Variants in PPM1E observed in about 807,000 individuals in gnomAD.
PPM1E encodes protein phosphatase 1E.
In PPM1E, 20 loss-of-function variants were observed where a neutral mutation model predicts 65.9. That is an observed-to-expected ratio of 0.30 (90% CI 0.21 to 0.44). The LOEUF (loss-of-function observed/expected upper bound fraction) is 0.44, where lower values mean the gene tolerates loss of function less well. PPM1E is among the 20% of genes least tolerant of loss of function. The pLI is 1.00. For missense variants in PPM1E, 713 were observed against 953.1 expected (o/e 0.75, Z 3.32); for synonymous variants, 352 against 374.9 (o/e 0.94, Z 0.70).
intron 1 of PPM1E, among the ~76,000 whole-genome samples, chr17:58,853,124 TTTG>T (rs2050845105): frequency 6.6e-6 from 1 of 152,192 alleles, no homozygotes; most frequent in Non-Finnish European, 1.5e-5. Flanking sequence ...GTTTGTCTAT[TTTG>T]TTGTTGTTGC....
intron 1 of PPM1E, among the ~76,000 whole-genome samples, chr17:58,920,879 A>G (rs924206307): frequency 2.6e-5 from 4 of 152,350 alleles, no homozygotes; most frequent in African/African-American, 4.8e-5. Context: ...AACCCTGGGC[A>G]TTACCATTTT....
chr17:58,910,504 G>T (rs771390276), intron 1 of PPM1E, among the ~76,000 whole-genome samples: 1 of 151,992 alleles, frequency 6.6e-6, no homozygotes, highest in Non-Finnish European at 1.5e-5. Context: ...TCTGATACTT[G>T]TTCTGTCTTT....
chr17:58,927,679 G>T (rs2051840991), intron 1 of PPM1E, among the ~76,000 whole-genome samples: 1 of 152,106 alleles, frequency 6.6e-6, no homozygotes, highest in East Asian at 1.9e-4. Context: ...GGAAGCTGAG[G>T]CAGGTGGATT....
chr17:58,881,937 T>C lies in PPM1E; in HGVS notation c.465-73712T>C, dbSNP rs536648257. Among the ~76,000 whole-genome samples, 6 of 140,630 alleles carry C rather than the reference T, an allele frequency of 4.3e-5. No homozygotes were observed. In the East Asian group the frequency reaches 1.2e-3, roughly 29 times the overall value. 92.3% of individuals were successfully genotyped at this position (140,630 alleles called of 152,430 possible). A position where few individuals can be genotyped will look rare whatever the true frequency, so the allele number is the denominator to read the frequency against. On this transcript the variant is annotated intron_variant, in intron 1 of 6. Transcript: ENST00000308249. ...ACTTTGGAATACTGAGGCAGTTGGA[T>C]GACTTGAGCCCCAGGAGTTTGAGAC...
At chr17:58,775,920 CAAAAAAA>C (rs1158158641) in intron 1 of PPM1E, among the ~76,000 whole-genome samples, 9 of 52,504 alleles carry the variant, frequency 1.7e-4, no homozygotes, top group East Asian at 2.1e-3. Flanking sequence ...GACTCCGTCT[CAAAAAAA>C]AAAAAAAAAA....
chr17:58,814,150 GAGA>G (rs1220356242), intron 1 of PPM1E, among the ~76,000 whole-genome samples: 1 of 152,318 alleles, frequency 6.6e-6, no homozygotes, highest in African/African-American at 2.4e-5. Context: ...TAGGAAATCA[GAGA>G]AGATGTCATT....
At chr17:58,933,128 T>A (rs2051925223) in intron 1 of PPM1E, among the ~76,000 whole-genome samples, 1 of 152,196 alleles carries the variant, frequency 6.6e-6, no homozygotes, top group Non-Finnish European at 1.5e-5. Context: ...CTATGATGTT[T>A]GCACAATGAC....
intron 1 of PPM1E, among the ~76,000 whole-genome samples, chr17:58,774,016 G>T (rs904409505): frequency 6.6e-6 from 1 of 152,166 alleles, no homozygotes; most frequent in Non-Finnish European, 1.5e-5. Flanking sequence ...ACAAAAATTA[G>T]CTGGGTGTGG....
intron 1 of PPM1E, among the ~76,000 whole-genome samples, chr17:58,947,986 G>A (rs184203373): frequency 6.6e-6 from 1 of 152,264 alleles, no homozygotes; most frequent in East Asian, 1.9e-4. Flanking sequence ...CACATGGCTA[G>A]TTTGGGCTTC....
intron 1 of PPM1E, among the ~76,000 whole-genome samples, chr17:58,787,731 C>A (rs1430835499): frequency 6.6e-6 from 1 of 151,732 alleles, no homozygotes; most frequent in African/African-American, 2.4e-5. Context: ...CAGGGTGAAA[C>A]CCCATCTCTA....
intron 1 of PPM1E, among the ~76,000 whole-genome samples, chr17:58,854,681 T>G (rs895733914): frequency 6.6e-6 from 1 of 152,202 alleles, no homozygotes; most frequent in African/African-American, 2.4e-5. Flanking sequence ...TCCTTCATTT[T>G]GTTAATGTGG....
intron 1 of PPM1E, among the ~76,000 whole-genome samples, chr17:58,837,327 A>ATACACACACC (rs2050671652): frequency 1.0e-5 from 1 of 99,506 alleles, no homozygotes; most frequent in Non-Finnish European, 1.8e-5. Flanking sequence ...AATAACACAC[A>ATACACACACC]CACATACACA....
intron 1 of PPM1E, among the ~76,000 whole-genome samples, chr17:58,903,469 C>T (rs1464059344): frequency 6.6e-6 from 1 of 152,166 alleles, no homozygotes; most frequent in Non-Finnish European, 1.5e-5. Flanking sequence ...AGTTTGAAGG[C>T]AGATTATCTA....
In PPM1E at chr17:58,980,089, C is replaced by T; in HGVS notation, c.1326C>T (p.Asn442=). 6.2e-7 allele frequency: 1 copy of T among 1,614,124 alleles called. No homozygotes were observed. The highest frequency in any genetic ancestry group is 8.5e-7 in the Non-Finnish European group (1 of 1,180,010). Reference sequence around the variant, plus strand: ...GTGATGGCTTCTATGACACCGTGAACCCTGATGAGGCAGTGAAAGTTGTGT... The same window carrying T: ...GTGATGGCTTCTATGACACCGTGAATCCTGATGAGGCAGTGAAAGTTGTGT... The part of the protein sequence containing the change: ...LACDGFYDTV[N]PDEAVKVVSD... Residue 442 remains asparagine (N), a synonymous_variant, in exon 7 of 7, where the codon AAC becomes AAT. Transcript: ENST00000308249. This position sits in a 1 kb window ranked among gnomAD's most constrained non-coding sequence, Gnocchi z 4.7.
intron 1 of PPM1E, among the ~76,000 whole-genome samples, chr17:58,928,230 T>G (rs2051848719): frequency 6.6e-6 from 1 of 151,806 alleles, no homozygotes; most frequent in African/African-American, 2.4e-5. Context: ...AGACCCTGTT[T>G]CCAAAAGAAA....
Position 58,982,294 on chromosome 17 carries a change from G to GT in PPM1E, c.*1265dup. On this transcript the variant is annotated 3_prime_UTR_variant, in exon 7 of 7. Transcript: ENST00000308249. Reference sequence around the variant, plus strand: ...TTGCTATTTCTGCAGTTTCAAGTTAGTTAGAAGCATGTTGTCAACTAAAGA... The same window carrying GT: ...TTGCTATTTCTGCAGTTTCAAGTTAGTTTAGAAGCATGTTGTCAACTAAAGA... 1 of 152,450 alleles carries GT rather than the reference G, an allele frequency of 6.6e-6. No individual in the cohort carries two copies. The highest frequency in any genetic ancestry group is 2.1e-4 in the South Asian group (1 of 4,830). The allele number at this position is 152,450 out of a possible 1,614,324, so 9.4% of individuals were successfully genotyped here. A position where few individuals can be genotyped will look rare whatever the true frequency, so the allele number is the denominator to read the frequency against.
intron 2 of PPM1E, among the ~76,000 whole-genome samples, chr17:58,957,258 C>G (rs1361582479): frequency 1.3e-5 from 2 of 152,046 alleles, no homozygotes; most frequent in East Asian, 3.9e-4. Context: ...TTTTCCATTT[C>G]AAGCAGCAAT....
intron 1 of PPM1E, among the ~76,000 whole-genome samples, chr17:58,896,541 CA>C (rs2051419478): frequency 6.6e-6 from 1 of 152,110 alleles, no homozygotes; most frequent in Admixed American, 6.6e-5. Flanking sequence ...GCCAAGAATG[CA>C]CCACTGCACT....
In PPM1E at chr17:58,913,189, G is replaced by A. The variant is rs1893060517; in HGVS notation, c.465-42460G>A. ...ACATATCTCCAAGTAGATAGAGTCA[G>A]AAATGATTGAATTATAGGGCATTCA... On this transcript the variant is annotated intron_variant, in intron 1 of 6. Coordinates refer to ENST00000308249, the MANE Select transcript of PPM1E (RefSeq NM_014906.5). Among the ~76,000 whole-genome samples the A allele has an allele frequency of 2.0e-5, 3 of 152,298 alleles. No homozygotes were observed. The South Asian group carries it at 6.2e-4, about 32-fold the overall frequency.
Sources: gnomAD v4.1 joint callset for allele counts (sites outside exome capture counted in the v4.1 genomes callset) on GRCh38, gnomAD v4.1.1 for gene constraint, Gnocchi (gnomAD v3.1) non-coding constraint, MANE v1.5 for transcripts, NCBI Gene and HGNC (gene_info 2026-07-23, HGNC 2026-07-21) for gene names.